KLHDC9: variants seen among roughly 807,000 people sequenced by gnomAD.
KLHDC9 encodes kelch domain-containing protein 9.
A neutral mutation model predicts 31.5 loss-of-function variants in KLHDC9; 26 were observed. That is an observed-to-expected ratio of 0.83 (90% CI 0.61 to 1.15). KLHDC9 has a LOEUF of 1.15. Ranked by LOEUF, KLHDC9 falls within the 50% of genes most tolerant of loss-of-function variation. The pLI is 0.00. For missense variants in KLHDC9, 437 were observed against 467.7 expected (o/e 0.93, Z 0.61); for synonymous variants, 176 against 184.7 (o/e 0.95, Z 0.38).
chr1:161,100,173 T>C lies in KLHDC9; in HGVS notation c.999T>C (p.Gly333=). Residue 333 remains glycine, a synonymous_variant, in exon 4 of 4, where the codon GGT becomes GGC. Transcript: ENST00000368011. The part of the protein sequence containing the change: ...NDQLYLVGGF[G]EDGRTASPQV... ...AGCTTTACCTGGTTGGGGGTTTTGG[T>C]GAGGATGGCAGGACAGCCAGTCCAC... The C allele has an allele frequency of 1.2e-6, 2 of 1,614,252 alleles. No homozygotes were observed. The highest frequency in any genetic ancestry group is 1.7e-6 in the Non-Finnish European group (2 of 1,180,054).
Position 161,098,541 on chromosome 1 carries a change from G to T in KLHDC9, c.6G>T (p.Ala2=). 1.3e-6 allele frequency: 2 copies of T among 1,550,914 alleles called. No homozygotes were observed. Among genetic ancestry groups the T allele is most frequent in the Non-Finnish European group, 1.7e-6 (2 of 1,146,278 alleles). M[A]VAVPPGRAAG... The stretch of plus-strand genomic sequence containing the variant: ...CCTCCCTCTCCCCGGGGCCCATGGC[G>T]GTGGCCGTGCCCCCGGGTCGGGCCG... The change falls in exon 1 of 4, where the codon GCG becomes GCT. Residue 2 remains alanine, a synonymous_variant. Transcript: ENST00000368011. This position sits in a 1 kb window ranked among gnomAD's most constrained non-coding sequence, Gnocchi z 6.3.
chr1:161,099,299 C>G (rs771401029), intron 1 of KLHDC9, 47 bp from the exon 2 acceptor site: 1 of 1,611,708 alleles, frequency 6.2e-7, no homozygotes, highest in Admixed American at 1.7e-5. Flanking sequence ...GTGGCACTTA[C>G]ATTTTCCAGA....
At position 161,099,011 on chromosome 1, in the gene KLHDC9, G is replaced by C; in HGVS notation, c.476G>C (p.Arg159Pro). ...GAGGGCGGTATCCACACTCAGCGACGCTATGGAAGCATCTACACATTAAGG... is the reference window on the plus strand; with the variant it reads ...GAGGGCGGTATCCACACTCAGCGACCCTATGGAAGCATCTACACATTAAGG... ...GREGGIHTQR[R>P]YGSIYTLRLD... The change falls in exon 1 of 4, where the codon CGC becomes CCC. Residue 159 changes from arginine to proline, a missense_variant. Coordinates refer to ENST00000368011, the MANE Select transcript of KLHDC9 (RefSeq NM_152366.5). 1 of 1,596,178 alleles carries C rather than the reference G, an allele frequency of 6.3e-7. No individual in the cohort carries two copies. The highest frequency in any genetic ancestry group is 8.5e-7 in the Non-Finnish European group (1 of 1,178,476).
At position 161,100,345 on chromosome 1, in the gene KLHDC9, A is replaced by G. The variant is rs1654520769; in HGVS notation, c.*121A>G. The stretch of plus-strand genomic sequence containing the variant: ...CTTATTAAATTTCAATCTGAGACTC[A>G]AGATTTGTCTCTGAAATTTTTGGGG... On this transcript the variant is annotated 3_prime_UTR_variant, in exon 4 of 4. Coordinates refer to ENST00000368011, the MANE Select transcript of KLHDC9 (RefSeq NM_152366.5). The G allele has an allele frequency of 8.9e-7, 1 of 1,120,786 alleles. No homozygotes were observed. The allele number at this position is 1,120,786 out of a possible 1,614,324, so 69.4% of individuals were successfully genotyped here.
intron 3 of KLHDC9, 31 bp downstream of exon 3, chr1:161,099,827 G>A (rs1199033167): frequency 3.1e-6 from 5 of 1,587,548 alleles, no homozygotes; most frequent in African/African-American, 1.3e-5. Context: ...TGAAGGGGGG[G>A]AAGGTGGGAA....
At position 161,098,856 on chromosome 1, in the gene KLHDC9, G is replaced by C; in HGVS notation, c.321G>C (p.Val107=). 1 of 1,577,910 alleles carries C rather than the reference G, an allele frequency of 6.3e-7. No homozygotes were observed. The highest frequency in any genetic ancestry group is 2.3e-5 in the East Asian group (1 of 42,650). ...ACGGGTCTCGCCGCTTGGCCACAGT[G>C]ACCGCACTGGACACAGAGCGCGGTG... ...GWDGSRRLAT[V]TALDTERGVW... The change falls in exon 1 of 4, where the codon GTG becomes GTC. Residue 107 remains valine, a synonymous_variant. Transcript: ENST00000368011. This position sits in a 1 kb window ranked among gnomAD's most constrained non-coding sequence, Gnocchi z 6.3.
rs1160657303 is a variant in KLHDC9, at chr1:161,098,916, C to G, written c.381C>G (p.Cys127Trp). 3.8e-6 allele frequency: 6 copies of G among 1,566,546 alleles called. No homozygotes were observed. The Admixed American group carries it at 1.1e-4, about 28-fold the overall frequency. Residue 127 changes from cysteine (C) to tryptophan (W), a missense_variant, in exon 1 of 4, where the codon TGC becomes TGG. Coordinates refer to ENST00000368011, the MANE Select transcript of KLHDC9 (RefSeq NM_152366.5). This position sits in a 1 kb window ranked among gnomAD's most constrained non-coding sequence, Gnocchi z 6.3. ...CGTGGACAGGGACCCCTGGTGACTGCCCCCCCGCCGGCCTCAGTAGTCACA... is the reference window on the plus strand; with the variant it reads ...CGTGGACAGGGACCCCTGGTGACTGGCCCCCCGCCGGCCTCAGTAGTCACA... Reference protein sequence around the residue: ...WEAWTGTPGDCPPAGLSSHTC... With the variant: ...WEAWTGTPGDWPPAGLSSHTC...
At position 161,098,786 on chromosome 1, in the gene KLHDC9, C is replaced by T; in HGVS notation, c.251C>T (p.Ala84Val). Reference sequence around the variant, plus strand: ...AGCCCCCCGCGCAGTCACCACGACGCGGCACCCGTGGACGGGCGTTGGCTC... The same window carrying T: ...AGCCCCCCGCGCAGTCACCACGACGTGGCACCCGTGGACGGGCGTTGGCTC... ...RGSPPRSHHD[A>V]APVDGRWLCV... Residue 84 changes from alanine (A) to valine (V), a missense_variant, in exon 1 of 4, where the codon GCG (alanine) becomes GTG (valine). Ala to Val is a moderately conservative substitution (Grantham distance 64, BLOSUM62 0). Transcript: ENST00000368011. This position sits in a 1 kb window ranked among gnomAD's most constrained non-coding sequence, Gnocchi z 6.3. The T allele has an allele frequency of 6.3e-7, 1 of 1,594,204 alleles. No homozygotes were observed. The highest frequency in any genetic ancestry group is 8.5e-7 in the Non-Finnish European group (1 of 1,170,418).
chr1:161,099,122 C>T (rs1268223174), intron 1 of KLHDC9, 60 bp downstream of exon 1: 1 of 1,542,794 alleles, frequency 6.5e-7, no homozygotes, highest in Non-Finnish European at 8.8e-7. Context: ...AAACAAAAGC[C>T]TAAGCAGATT....
In KLHDC9 at chr1:161,100,094, G is replaced by A. The variant is rs200254953; in HGVS notation, c.920G>A (p.Cys307Tyr). Residue 307 changes from cysteine to tyrosine, a missense_variant, in exon 4 of 4, where the codon TGT (cysteine) becomes TAT (tyrosine). Transcript: ENST00000368011. ...CCTCCTTTGTGGTTCCACTTCCCCT[G>A]TGCAGATCGTGGGATGAAACGCATG... ...TSPPLWFHFP[C>Y]ADRGMKRMGH... 1 of 1,614,194 alleles carries A rather than the reference G, an allele frequency of 6.2e-7. No homozygotes were observed. The highest frequency in any genetic ancestry group is 2.2e-5 in the East Asian group (1 of 44,882).
chr1:161,098,657 A>C lies in KLHDC9; in HGVS notation c.122A>C (p.Tyr41Ser). 1 of 1,612,886 alleles carries C rather than the reference A, an allele frequency of 6.2e-7. No homozygotes were observed. The change falls in exon 1 of 4, where the codon TAT (tyrosine) becomes TCT (serine). Residue 41 changes from tyrosine to serine, a missense_variant. By Grantham distance (144) the Tyr-to-Ser change is moderately radical. Transcript: ENST00000368011. This position sits in a 1 kb window ranked among gnomAD's most constrained non-coding sequence, Gnocchi z 6.3. ...HSCTELRGRF[Y>S]LVGGLLAGGA... ...TGCACCGAACTGCGGGGACGGTTCT[A>C]TCTCGTAGGTGGTCTCCTAGCAGGA...
chr1:161,099,372 C>A lies in KLHDC9; in HGVS notation c.554C>A (p.Ala185Asp), dbSNP rs778909363. ...YCYKQEGCHT[A>D]SRSGHCAALL... Reference sequence around the variant, plus strand: ...TACAAGCAAGAAGGCTGCCACACAGCCTCACGCTCAGGTCACTGTGCGGCC... The same window carrying A: ...TACAAGCAAGAAGGCTGCCACACAGACTCACGCTCAGGTCACTGTGCGGCC... The change falls in exon 2 of 4, where the codon GCC becomes GAC. Residue 185 changes from alanine (A) to aspartate (D), a missense_variant. Ala to Asp is a moderately radical substitution (Grantham distance 126). Coordinates refer to ENST00000368011, the MANE Select transcript of KLHDC9 (RefSeq NM_152366.5). 6.2e-7 allele frequency: 1 copy of A among 1,614,260 alleles called. No individual in the cohort carries two copies.
chr1:161,099,360 G>A lies in KLHDC9; in HGVS notation c.542G>A (p.Gly181Asp). Residue 181 changes from glycine (G) to aspartate (D), a missense_variant, in exon 2 of 4, where the codon GGC becomes GAC. Coordinates refer to ENST00000368011, the MANE Select transcript of KLHDC9 (RefSeq NM_152366.5). ...CATGTCCACAGCTACAAGCAAGAAG[G>A]CTGCCACACAGCCTCACGCTCAGGT... ...SARTYCYKQE[G>D]CHTASRSGHC... 1 of 1,614,198 alleles carries A rather than the reference G, an allele frequency of 6.2e-7. No homozygotes were observed. Among genetic ancestry groups the A allele is most frequent in the Non-Finnish European group, 8.5e-7 (1 of 1,180,036 alleles).
chr1:161,099,823 G>T lies in KLHDC9; in HGVS notation c.886+27G>T, dbSNP rs202102836. 4.6e-5 allele frequency: 74 copies of T among 1,593,086 alleles called. No individual in the cohort carries two copies. The African/African-American group carries it at 5.8e-4, about 12-fold the overall frequency. ...TGAGAGCCAGACTAATGGCTGAAGG[G>T]GGGGAAGGTGGGAAGATGGGGGAAC... On this transcript the variant is annotated intron_variant, in intron 3 of 3. Transcript: ENST00000368011.
chr1:161,099,458 T>G lies in KLHDC9; in HGVS notation c.640T>G (p.Leu214Val). Residue 214 changes from leucine to valine, a missense_variant, in exon 2 of 4, where the codon TTA becomes GTA. Coordinates refer to ENST00000368011, the MANE Select transcript of KLHDC9 (RefSeq NM_152366.5). ...GCTATTGCTCTTTGGAGGTTGCAAC[T>G]TAGCTGAACCAGAAGTAGCTGGGCA... ...HQLLLFGGCNLAEPEVAGHWS... is the reference protein window; with the variant it reads ...HQLLLFGGCNVAEPEVAGHWS... 2 of 1,614,260 alleles carry G rather than the reference T, an allele frequency of 1.2e-6. No homozygotes were observed. Among genetic ancestry groups the G allele is most frequent in the Non-Finnish European group, 1.7e-6 (2 of 1,180,050 alleles).
Position 161,098,816 on chromosome 1 carries a change from T to C in KLHDC9, c.281T>C (p.Val94Ala). 1 of 1,583,170 alleles carries C rather than the reference T, an allele frequency of 6.3e-7. No individual in the cohort carries two copies. Among genetic ancestry groups the C allele is most frequent in the Non-Finnish European group, 8.6e-7 (1 of 1,164,714 alleles). Reference sequence around the variant, plus strand: ...CCCGTGGACGGGCGTTGGCTCTGCGTGGTGGGCGGCTGGGACGGGTCTCGC... The same window carrying C: ...CCCGTGGACGGGCGTTGGCTCTGCGCGGTGGGCGGCTGGGACGGGTCTCGC... ...AAPVDGRWLCVVGGWDGSRRL... is the reference protein window; with the variant it reads ...AAPVDGRWLCAVGGWDGSRRL... Residue 94 changes from valine (V) to alanine (A), a missense_variant, in exon 1 of 4, where the codon GTG becomes GCG. By Grantham distance (64) the Val-to-Ala change is moderately conservative. Coordinates refer to ENST00000368011, the MANE Select transcript of KLHDC9 (RefSeq NM_152366.5). The surrounding 1 kb of genome is among the most constrained non-coding windows in gnomAD (Gnocchi z 6.3).
In KLHDC9 at chr1:161,099,714, G is replaced by A; in HGVS notation, c.804G>A (p.Gly268=). 1 of 1,614,158 alleles carries A rather than the reference G, an allele frequency of 6.2e-7. No individual in the cohort carries two copies. Among genetic ancestry groups the A allele is most frequent in the Non-Finnish European group, 8.5e-7 (1 of 1,180,022 alleles). Residue 268 remains glycine, a synonymous_variant, in exon 3 of 4, where the codon GGG becomes GGA. Coordinates refer to ENST00000368011, the MANE Select transcript of KLHDC9 (RefSeq NM_152366.5). ...GGCATCACTCATGTTCTGTGGTCGG[G>A]CCCTTTGCTGTGCTGTTTGGTGGAG... The part of the protein sequence containing the change: ...GLRHHSCSVV[G]PFAVLFGGET...
chr1:161,100,302 T>C lies in KLHDC9; in HGVS notation c.*78T>C. On this transcript the variant is annotated 3_prime_UTR_variant, in exon 4 of 4. Transcript: ENST00000368011. ...CTATAAAGCGTTATCACCAGAGCTA[T>C]CTGCTTCACTTCAAATGCTTATTAA... 7.3e-7 allele frequency: 1 copy of C among 1,364,112 alleles called. No individual in the cohort carries two copies. The highest frequency in any genetic ancestry group is 1.4e-5 in the African/African-American group (1 of 68,992). 84.5% of individuals were successfully genotyped at this position (1,364,112 alleles called of 1,614,324 possible).
chr1:161,099,822 G>T lies in KLHDC9; in HGVS notation c.886+26G>T, dbSNP rs199805541. On this transcript the variant is annotated intron_variant, in intron 3 of 3. Transcript: ENST00000368011. ...GTGAGAGCCAGACTAATGGCTGAAG[G>T]GGGGGAAGGTGGGAAGATGGGGGAA... 7.3e-5 allele frequency: 116 copies of T among 1,593,106 alleles called. 1 individual carries two copies. The East Asian group carries it at 2.1e-3, about 29-fold the overall frequency.
Sources: allele counts gnomAD v4.1 joint callset, GRCh38; gene constraint gnomAD v4.1.1; non-coding constraint Gnocchi (gnomAD v3.1); transcripts MANE v1.5; gene names NCBI Gene and HGNC (gene_info 2026-07-23, HGNC 2026-07-21).